Variants in COL24A1 observed in about 807,000 individuals in gnomAD.
COL24A1 encodes collagen type XXIV alpha 1 chain, also known as collagen alpha-1(XXIV) chain.
In COL24A1, 224 loss-of-function variants were observed where a neutral mutation model predicts 253.9. That is an observed-to-expected ratio of 0.88 (90% CI 0.79 to 0.99). The LOEUF (loss-of-function observed/expected upper bound fraction) is 0.99. Ranked by LOEUF, COL24A1 falls within the 50% of genes least tolerant of loss-of-function variation. The pLI, the probability that COL24A1 is intolerant of heterozygous loss-of-function variation, is 0.00. For synonymous variants in COL24A1, 685 were observed against 673.7 expected (o/e 1.02, Z -0.26); for missense variants, 2,131 against 2,068.5 (o/e 1.03, Z -0.59).
rs142101045 is a variant in COL24A1 at position 86,053,301 on chromosome 1, G to A, written c.1852-3124C>T. On this transcript the variant is annotated intron_variant, in intron 10 of 59. Transcript: ENST00000370571. Reference sequence around the variant, plus strand: ...TTATCAGTGAACTAAATAATCAATTGATAACTCAAGAACTGAAGTCAGAAC... The same window carrying A: ...TTATCAGTGAACTAAATAATCAATTAATAACTCAAGAACTGAAGTCAGAAC... Among the ~76,000 whole-genome samples the A allele has an allele frequency of 3.5e-3, 531 of 152,096 alleles. 4 individuals carry two copies. Among genetic ancestry groups the A allele is most frequent in the African/African-American group, 0.012 (505 of 41,526 alleles).
chr1:85,965,604 G>C (rs1488367007), intron 22 of COL24A1, among the ~76,000 whole-genome samples: 1 of 152,124 alleles, frequency 6.6e-6, no homozygotes, highest in Admixed American at 6.6e-5. Context: ...GGACTAGGGA[G>C]AGAAGAGAGA....
intron 37 of COL24A1, among the ~76,000 whole-genome samples, chr1:85,850,065 C>A (rs1190986729): frequency 6.6e-6 from 1 of 152,080 alleles, no homozygotes; most frequent in African/African-American, 2.4e-5. Flanking sequence ...TCATATAAAA[C>A]TTAAAAATAA....
intron 47 of COL24A1, among the ~76,000 whole-genome samples, chr1:85,805,667 C>A (rs947487353): frequency 2.0e-5 from 3 of 152,184 alleles, no homozygotes; most frequent in Non-Finnish European, 2.9e-5. Flanking sequence ...ATGCCTACCT[C>A]ATGGGGTTGT....
At chr1:85,780,885 TC>T (rs1669071192) in intron 52 of COL24A1, among the ~76,000 whole-genome samples, 1 of 152,172 alleles carries the variant, frequency 6.6e-6, no homozygotes, top group Admixed American at 6.6e-5. Flanking sequence ...ATGTTGGATG[TC>T]TGCACATCTT....
intron 20 of COL24A1, among the ~76,000 whole-genome samples, chr1:85,977,949 G>A (rs887024926): frequency 6.6e-6 from 1 of 152,090 alleles, no homozygotes; most frequent in Non-Finnish European, 1.5e-5. Context: ...AAGTCAAGAT[G>A]AAGGAAAGAA....
Position 85,744,808 on chromosome 1 carries a change from T to G in COL24A1, c.4530A>C (p.Leu1510Phe), listed in dbSNP as rs763517820. 2.5e-6 allele frequency: 4 copies of G among 1,610,336 alleles called. No homozygotes were observed. The Admixed American group carries it at 6.7e-5, about 27-fold the overall frequency. The change falls in exon 57 of 60, where the codon TTA becomes TTC. Residue 1510 changes from leucine to phenylalanine, a missense_variant. By Grantham distance (22) the Leu-to-Phe change is conservative (BLOSUM62 0). Coordinates refer to ENST00000370571, the MANE Select transcript of COL24A1 (RefSeq NM_152890.7). ...TGAATATCTCTTCACTGTGGTCAAT[T>G]AAAGTCACTTCAGTATTCTGGTAGC... is the stretch of plus-strand genomic sequence containing the variant. ...MESYQNTEVT[L>F]IDHSEEIFKT... is the part of the protein sequence containing the mutation.
chr1:85,997,739 C>T (rs1694977254), intron 19 of COL24A1, among the ~76,000 whole-genome samples: 1 of 149,416 alleles, frequency 6.7e-6, no homozygotes, highest in Non-Finnish European at 1.5e-5. Context: ...CAAGATCGCG[C>T]CACTGCACTC....
At chr1:85,879,526 C>T (rs1681582295) in intron 32 of COL24A1, among the ~76,000 whole-genome samples, 1 of 152,132 alleles carries the variant, frequency 6.6e-6, no homozygotes, top group African/African-American at 2.4e-5. Context: ...GTTACAGTGC[C>T]AACCTCCTGC....
At chr1:85,785,744 G>A (rs983560984) in intron 48 of COL24A1, among the ~76,000 whole-genome samples, 1 of 152,182 alleles carries the variant, frequency 6.6e-6, no homozygotes, top group African/African-American at 2.4e-5. Context: ...GGTAATAATG[G>A]TAAGGGTGCC....
intron 26 of COL24A1, among the ~76,000 whole-genome samples, chr1:85,909,000 T>C (rs1031130027): frequency 2.0e-5 from 3 of 151,790 alleles, no homozygotes; most frequent in Non-Finnish European, 4.4e-5. Context: ...TGGATATATG[T>C]TGTGTTATAT....
intron 14 of COL24A1, among the ~76,000 whole-genome samples, chr1:86,028,107 A>G (rs4912443): frequency 0.087 from 13,217 of 152,174 alleles, 705 homozygotes; most frequent in Middle Eastern, 0.19. Flanking sequence ...CATTGTATCT[A>G]GGAGGTAACT....
In COL24A1 at chr1:85,781,232, T is replaced by C. The variant is rs1558099608; in HGVS notation, c.4326A>G (p.Pro1442=). The stretch of plus-strand genomic sequence containing the variant: ...ATGATAAACTTACAGTTCTACCTGT[T>C]GGGCCTATTATACCTTCTCTGCCAA... ...GPLGREGIIG[P]TGRTGPRGEK... Residue 1442 remains proline, a synonymous_variant, in exon 52 of 60, where the codon CCA becomes CCG. Transcript: ENST00000370571. The C allele has an allele frequency of 1.2e-5, 20 of 1,604,974 alleles. No individual in the cohort carries two copies. Among genetic ancestry groups the C allele is most frequent in the Admixed American group, 1.7e-5 (1 of 59,004 alleles).
In COL24A1 at chr1:85,998,701, C is replaced by T. The variant is rs142746940; in HGVS notation, c.2311-11047G>A. 2.4e-3 allele frequency among the ~76,000 whole-genome samples: 364 copies of T among 152,286 alleles called. 1 individual carries two copies. The highest frequency in any genetic ancestry group is 0.02 in the Middle Eastern group (6 of 294). On this transcript the variant is annotated intron_variant, in intron 19 of 59. Transcript: ENST00000370571. ...AGCAAAGGGCAGGAAGGAATGCGTA[C>T]TGTCCAAGATAACGAGATAATATCT...
rs1426273068 is a variant in COL24A1, at chr1:85,896,141, A to G, written c.2833-76T>C. ...TTACTATGCTAGCATATGCTAGCAT[A>G]CACTCACATACAAAAAAGACAGTAA... On this transcript the variant is annotated intron_variant, in intron 29 of 59. Transcript: ENST00000370571. 13 of 1,410,854 alleles carry G rather than the reference A, an allele frequency of 9.2e-6. 1 individual carries two copies. 87.4% of individuals were successfully genotyped at this position (1,410,854 alleles called of 1,614,324 possible).
At chr1:85,880,504 T>TTTTTC (rs200440727) in intron 32 of COL24A1, among the ~76,000 whole-genome samples, 3,901 of 152,256 alleles carry the variant, frequency 0.026, 77 homozygotes, top group Non-Finnish European at 0.038. Flanking sequence ...ATTTGTATAC[T>TTTTTC]TTTTCTTTTC....
chr1:85,936,174 G>A (rs770859499), intron 24 of COL24A1, among the ~76,000 whole-genome samples: 1 of 147,030 alleles, frequency 6.8e-6, no homozygotes, highest in Non-Finnish European at 1.5e-5. Flanking sequence ...AAAAAAAAAT[G>A]GAACTCTGAT....
At chr1:85,863,668 T>C (rs1679432892) in intron 37 of COL24A1, among the ~76,000 whole-genome samples, 1 of 152,164 alleles carries the variant, frequency 6.6e-6, no homozygotes, top group East Asian at 1.9e-4. Context: ...AAAGGGCTAA[T>C]ATCCAGAATC....
intron 7 of COL24A1, 43 bp downstream of exon 7, chr1:86,089,131 A>G (rs763579130): frequency 1.4e-6 from 2 of 1,409,808 alleles, no homozygotes; most frequent in Admixed American, 2.9e-5. Context: ...CAAAAAAAAG[A>G]AAAAAAGAAG....
intron 5 of COL24A1, among the ~76,000 whole-genome samples, chr1:86,093,021 A>G (rs142195527): frequency 1.5e-4 from 23 of 152,188 alleles, no homozygotes; most frequent in African/African-American, 5.3e-4. Context: ...AGGGGCCACA[A>G]TGGAGATTCT....
Sources: gnomAD v4.1 joint callset for allele counts (sites outside exome capture counted in the v4.1 genomes callset) on GRCh38, gnomAD v4.1.1 for gene constraint, MANE v1.5 for transcripts, NCBI Gene and HGNC (gene_info 2026-07-23, HGNC 2026-07-21) for gene names.